FAM168B: variants seen among roughly 807,000 people sequenced by gnomAD.
The protein encoded by FAM168B is myelin-associated neurite-outgrowth inhibitor.
Under a neutral mutation model 21.8 loss-of-function variants are expected in FAM168B, and 19 were observed. The observed-to-expected ratio is 0.87, with a 90% CI of 0.61 to 1.28. The LOEUF (loss-of-function observed/expected upper bound fraction) is 1.28. FAM168B is among the 50% of genes most tolerant of loss of function. The pLI is 0.00. For missense variants in FAM168B, 233 were observed against 263.1 expected (o/e 0.89, Z 0.79); for synonymous variants, 126 against 104.8 (o/e 1.20, Z -1.24).
At chr2:131,053,178 A>C (rs577340600) in intron 5 of FAM168B, among the ~76,000 whole-genome samples, 163 bp from the exon 6 acceptor site, 1 of 152,228 alleles carries the variant, frequency 6.6e-6, no homozygotes, top group South Asian at 2.1e-4. Flanking sequence ...AATCCCCCAC[A>C]CCCAAAAGTT....
At chr2:131,078,148 G>T (rs535115464) in intron 2 of FAM168B, among the ~76,000 whole-genome samples, 17 of 152,116 alleles carry the variant, frequency 1.1e-4, no homozygotes, top group Non-Finnish European at 1.8e-4. Context: ...TGCCAAGACA[G>T]GACCATGTGA....
intron 2 of FAM168B, among the ~76,000 whole-genome samples, chr2:131,075,132 A>G (rs1335057113): frequency 6.6e-6 from 1 of 152,074 alleles, no homozygotes; most frequent in Non-Finnish European, 1.5e-5. Flanking sequence ...TGGCCACTGG[A>G]AAGACCAGGA....
chr2:131,077,209 AT>A (rs755840096), intron 2 of FAM168B, among the ~76,000 whole-genome samples: 6 of 139,802 alleles, frequency 4.3e-5, no homozygotes, highest in South Asian at 2.4e-4. Context: ...ACGCTATTAC[AT>A]TTAAAAAAAA....
intron 3 of FAM168B, among the ~76,000 whole-genome samples, chr2:131,070,286 A>C (rs997099266): frequency 1.7e-4 from 26 of 152,254 alleles, no homozygotes; most frequent in Admixed American, 5.2e-4. Context: ...AATAACTGAC[A>C]TACAGTAAAA....
intron 3 of FAM168B, among the ~76,000 whole-genome samples, chr2:131,056,277 C>T (rs893644944): frequency 6.6e-6 from 1 of 152,070 alleles, no homozygotes; most frequent in African/African-American, 2.4e-5. Context: ...TGTCCCCACA[C>T]AAAATGACAT....
chr2:131,068,543 C>G (rs994761859), intron 3 of FAM168B, among the ~76,000 whole-genome samples: 5 of 152,170 alleles, frequency 3.3e-5, no homozygotes, highest in Non-Finnish European at 7.4e-5. Context: ...CAGTCTGGCA[C>G]CTAACAACTG....
chr2:131,071,851 A>T lies in FAM168B; in HGVS notation c.154+4T>A, dbSNP rs1692885356. 1 of 1,613,714 alleles carries T rather than the reference A, an allele frequency of 6.2e-7. No individual in the cohort carries two copies. The highest frequency in any genetic ancestry group is 8.5e-7 in the Non-Finnish European group (1 of 1,179,634). ...TACAAAGCATTTTACCACCCAGCAC[A>T]TACCTGTTTGGAAGGTAGGATTCGC... On this transcript the variant is annotated splice_donor_region_variant and intron_variant, in intron 3 of 6. Transcript: ENST00000389915.
chr2:131,064,024 C>T (rs1692434179), intron 3 of FAM168B, among the ~76,000 whole-genome samples: 1 of 152,044 alleles, frequency 6.6e-6, no homozygotes, highest in Non-Finnish European at 1.5e-5. Flanking sequence ...TAGGTCTTTC[C>T]AAAACAACAG....
intron 1 of FAM168B, among the ~76,000 whole-genome samples, chr2:131,088,161 G>A (rs897853957): frequency 2.6e-5 from 4 of 152,084 alleles, no homozygotes; most frequent in Admixed American, 6.5e-5. Context: ...CATGAGAACC[G>A]CTTCAACCTG....
chr2:131,048,545 A>G lies in FAM168B; in HGVS notation c.*3920T>C. ...AATAATGAGTAGGAAAAAGAGACAAACTTTCTGAAACATGCAGTTTCCGAC... is the reference window on the plus strand; with the variant it reads ...AATAATGAGTAGGAAAAAGAGACAAGCTTTCTGAAACATGCAGTTTCCGAC... On this transcript the variant is annotated 3_prime_UTR_variant, in exon 7 of 7. Coordinates refer to ENST00000389915, the MANE Select transcript of FAM168B (RefSeq NM_001009993.4). 9.0e-7 allele frequency: 1 copy of G among 1,114,338 alleles called. No individual in the cohort carries two copies. The highest frequency in any genetic ancestry group is 1.1e-6 in the Non-Finnish European group (1 of 897,086). 69.0% of individuals were successfully genotyped at this position (1,114,338 alleles called of 1,614,324 possible).
At chr2:131,086,349 A>G (rs751038873) in intron 1 of FAM168B, among the ~76,000 whole-genome samples, 24 of 152,222 alleles carry the variant, frequency 1.6e-4, no homozygotes, top group African/African-American at 5.3e-4. Context: ...GGCAAGTCAC[A>G]ATCTCTTCTG....
intron 1 of FAM168B, among the ~76,000 whole-genome samples, chr2:131,091,514 G>T (rs1193878752): frequency 6.6e-6 from 1 of 150,496 alleles, no homozygotes; most frequent in Non-Finnish European, 1.5e-5. Context: ...GGGCGCAGTG[G>T]TGTGTGCCTG....
Position 131,052,286 on chromosome 2 carries a change from C to T in FAM168B, c.*179G>A. On this transcript the variant is annotated 3_prime_UTR_variant, in exon 7 of 7. Transcript: ENST00000389915. ...CAGAATTTGCTTTAAGACCAACCCA[C>T]AGAGTCAGCTGGAGACTAACGGCGC... 1.0e-6 allele frequency: 1 copy of T among 985,922 alleles called. No individual in the cohort carries two copies. The allele number at this position is 985,922 out of a possible 1,614,324, so 61.1% of individuals were successfully genotyped here. A position where few individuals can be genotyped will look rare whatever the true frequency, so the allele number is the denominator to read the frequency against.
At chr2:131,062,967 G>A (rs888834786) in intron 3 of FAM168B, among the ~76,000 whole-genome samples, 17 of 152,154 alleles carry the variant, frequency 1.1e-4, no homozygotes, top group Non-Finnish European at 2.2e-4. Context: ...GATATACTGA[G>A]GACCACAACT....
chr2:131,064,796 T>C (rs573897943), intron 3 of FAM168B, among the ~76,000 whole-genome samples: 1 of 152,040 alleles, frequency 6.6e-6, no homozygotes, highest in East Asian at 1.9e-4. Context: ...GGACAACCAG[T>C]CCAGATAAGA....
In FAM168B at chr2:131,052,189, TGATTCAGAATA is replaced by T; in HGVS notation, c.*265_*275del. On this transcript the variant is annotated 3_prime_UTR_variant, in exon 7 of 7. Coordinates refer to ENST00000389915, the MANE Select transcript of FAM168B (RefSeq NM_001009993.4). Reference sequence around the variant, plus strand: ...TTTTAAACATGCATTCAACTAGATATGATTCAGAATAGATTAATACTCCCTTTTTATCATTA... The same window carrying T: ...TTTTAAACATGCATTCAACTAGATATGATTAATACTCCCTTTTTATCATTA... The T allele has an allele frequency of 3.0e-6, 3 of 985,788 alleles. No individual in the cohort carries two copies. Among genetic ancestry groups the T allele is most frequent in the South Asian group, 9.4e-5 (2 of 21,292 alleles). 61.1% of individuals were successfully genotyped at this position (985,788 alleles called of 1,614,324 possible).
At position 131,052,949 on chromosome 2, in the gene FAM168B, C is replaced by T. The variant is rs867500426; in HGVS notation, c.542G>A (p.Arg181Gln). Residue 181 changes from arginine to glutamine, a missense_variant, in exon 6 of 7, where the codon CGG becomes CAG. Coordinates refer to ENST00000389915, the MANE Select transcript of FAM168B (RefSeq NM_001009993.4). ...GCTGTAAGTGGGCGTTCCTGGGGCC[C>T]GGTACGTGGGCACAGTGACCGGGTG... ...APHPVTVPTY[R>Q]APGTPTYSYV... 1.3e-6 allele frequency: 2 copies of T among 1,563,310 alleles called. No individual in the cohort carries two copies. Among genetic ancestry groups the T allele is most frequent in the East Asian group, 2.4e-5 (1 of 42,240 alleles).
At position 131,055,699 on chromosome 2, in the gene FAM168B, G is replaced by A. The variant is rs767560185; in HGVS notation, c.155-4C>T. On this transcript the variant is annotated splice_polypyrimidine_tract_variant and splice_region_variant and intron_variant, in intron 3 of 6. Coordinates refer to ENST00000389915, the MANE Select transcript of FAM168B (RefSeq NM_001009993.4). Reference sequence around the variant, plus strand: ...TAAGGTGTGCCAGGAGTGTAACCTGGAACAAAGAAGGCAATGGCCTGAGTT... The same window carrying A: ...TAAGGTGTGCCAGGAGTGTAACCTGAAACAAAGAAGGCAATGGCCTGAGTT... The A allele has an allele frequency of 1.2e-6, 2 of 1,613,304 alleles. No homozygotes were observed. Among genetic ancestry groups the A allele is most frequent in the African/African-American group, 1.3e-5 (1 of 75,002 alleles).
rs1691958988 is a variant in FAM168B at position 131,055,409 on chromosome 2, G to C, written c.338C>G (p.Pro113Arg). Residue 113 changes from proline to arginine, a missense_variant, in exon 5 of 7, where the codon CCT becomes CGT. By Grantham distance (103) the Pro-to-Arg change is moderately radical. Transcript: ENST00000389915. ...CACCGTGGTGTGGTGGATGACGTGA[G>C]GAGGTGCTGCATACAGCGGCTGTGT... is the stretch of plus-strand genomic sequence containing the variant. ...YYTQPLYAAP[P>R]HVIHHTTVVQ... The C allele has an allele frequency of 6.2e-7, 1 of 1,609,048 alleles. No individual in the cohort carries two copies. Among genetic ancestry groups the C allele is most frequent in the African/African-American group, 1.3e-5 (1 of 74,608 alleles).
Sources: gnomAD v4.1 joint callset for allele counts (sites outside exome capture counted in the v4.1 genomes callset) on GRCh38, gnomAD v4.1.1 for gene constraint, MANE v1.5 for transcripts, NCBI Gene and HGNC (gene_info 2026-07-23, HGNC 2026-07-21) for gene names.